SLC24A4: variants seen among roughly 807,000 people sequenced by gnomAD.
SLC24A4 encodes the protein sodium/potassium/calcium exchanger 4.
SLC24A4 carries 53 observed loss-of-function variants against 79.0 expected under a neutral mutation model. The observed-to-expected ratio is 0.67, with a 90% CI of 0.54 to 0.84. The LOEUF is 0.84. SLC24A4 is among the 40% of genes least tolerant of loss of function. The pLI, the probability that SLC24A4 is intolerant of heterozygous loss-of-function variation, is 0.00. For synonymous variants in SLC24A4, 323 were observed against 323.8 expected (o/e 1.00, Z 0.03); for missense variants, 731 against 822.0 (o/e 0.89, Z 1.35).
intron 2 of SLC24A4, among the ~76,000 whole-genome samples, chr14:92,425,699 C>T (rs1172325903): frequency 6.6e-6 from 1 of 152,160 alleles, no homozygotes; most frequent in Non-Finnish European, 1.5e-5. Context: ...GGGGTTACAC[C>T]TATATGCAGT....
At chr14:92,464,323 C>T (rs1255323800) in intron 12 of SLC24A4, among the ~76,000 whole-genome samples, 1 of 152,132 alleles carries the variant, frequency 6.6e-6, no homozygotes, top group Non-Finnish European at 1.5e-5. Context: ...CAGAACCAGG[C>T]ATCCAGGCCA....
chr14:92,334,695 C>T (rs1354666871), intron 2 of SLC24A4, among the ~76,000 whole-genome samples: 1 of 152,122 alleles, frequency 6.6e-6, no homozygotes, highest in African/African-American at 2.4e-5. Flanking sequence ...AGTCCCAGCT[C>T]ACCCCTTACT....
intron 2 of SLC24A4, among the ~76,000 whole-genome samples, chr14:92,385,700 A>G (rs958327389): frequency 6.6e-6 from 1 of 151,848 alleles, no homozygotes; most frequent in Non-Finnish European, 1.5e-5. Context: ...ATTTGGATGC[A>G]CTCTGGGGCT....
chr14:92,418,415 A>G (rs1036298749), intron 2 of SLC24A4, among the ~76,000 whole-genome samples: 9 of 152,172 alleles, frequency 5.9e-5, no homozygotes, highest in South Asian at 2.1e-4. Flanking sequence ...AGTCCAGTGC[A>G]CTGGTCAGGG....
chr14:92,400,078 C>G (rs1453783459), intron 2 of SLC24A4, among the ~76,000 whole-genome samples: 1 of 151,648 alleles, frequency 6.6e-6, no homozygotes, highest in Non-Finnish European at 1.5e-5. Flanking sequence ...AAATAAAGTA[C>G]CAGTATGTTA....
At position 92,467,178 on chromosome 14, in the gene SLC24A4, T is replaced by C. The variant is rs565416248; in HGVS notation, c.1255+10570T>C. ...GTAGTTCATTAACCTTCATGGGACT[T>C]GGTTTTCCTCTTTATAAAATGGAGT... is the stretch of plus-strand genomic sequence containing the variant. On this transcript the variant is annotated intron_variant, in intron 12 of 16. Coordinates refer to ENST00000532405, the MANE Select transcript of SLC24A4 (RefSeq NM_153646.4). Among the ~76,000 whole-genome samples the C allele has an allele frequency of 3.3e-5, 5 of 152,370 alleles. No homozygotes were observed. The South Asian group carries it at 1.0e-3, about 32-fold the overall frequency.
intron 2 of SLC24A4, among the ~76,000 whole-genome samples, chr14:92,389,224 A>G (rs567187496): frequency 2.6e-5 from 4 of 152,026 alleles, no homozygotes; most frequent in African/African-American, 7.2e-5. Flanking sequence ...TCTCCACCCC[A>G]CTCTTGGAAG....
At chr14:92,454,182 C>G in intron 11 of SLC24A4, 113 bp downstream of exon 11, 3 of 1,134,838 alleles carry the variant, frequency 2.6e-6, no homozygotes, top group Non-Finnish European at 3.7e-6. Flanking sequence ...GGAAGGATGC[C>G]CTGGGGCCTC....
rs1437023442 is a variant in SLC24A4 at position 92,360,496 on chromosome 14, T to C, written c.241+34518T>C. Among the ~76,000 whole-genome samples, 5 of 152,372 alleles carry C rather than the reference T, an allele frequency of 3.3e-5. No homozygotes were observed. The South Asian group carries it at 1.0e-3, about 32-fold the overall frequency. On this transcript the variant is annotated intron_variant, in intron 2 of 16. Transcript: ENST00000532405. ...GTGATTATTTCATACAGTGGGATACTGTACTATTTATCCATTTGCAGTTAG... is the reference window on the plus strand; with the variant it reads ...GTGATTATTTCATACAGTGGGATACCGTACTATTTATCCATTTGCAGTTAG...
chr14:92,446,177 T>A (rs80279668), intron 8 of SLC24A4, among the ~76,000 whole-genome samples: 113,825 of 149,124 alleles, frequency 0.76, 43,179 homozygotes, highest in East Asian at 0.97. Context: ...GCATTCTATG[T>A]TTTTTTTTTT....
At chr14:92,474,863 A>ATATATATATATATATATATATATT (rs36185636) in intron 12 of SLC24A4, among the ~76,000 whole-genome samples, 15 of 57,124 alleles carry the variant, frequency 2.6e-4, no homozygotes, top group South Asian at 5.7e-4. Flanking sequence ...ATATATATAT[A>ATATATATATATATATATATATATT]TTTTTTTTTT....
chr14:92,365,832 A>G (rs894330744), intron 2 of SLC24A4, among the ~76,000 whole-genome samples: 1 of 152,218 alleles, frequency 6.6e-6, no homozygotes, highest in African/African-American at 2.4e-5. Flanking sequence ...AGAGTAATGT[A>G]GTTGCCCAAG....
intron 2 of SLC24A4, among the ~76,000 whole-genome samples, chr14:92,350,999 G>C (rs1219311736): frequency 8.5e-6 from 1 of 117,468 alleles, no homozygotes; most frequent in Non-Finnish European, 2.0e-5. Flanking sequence ...CAACCTGGAA[G>C]AGAGGGTCCT....
chr14:92,328,626 C>G (rs1885288193), intron 2 of SLC24A4, among the ~76,000 whole-genome samples: 1 of 152,262 alleles, frequency 6.6e-6, no homozygotes, highest in Non-Finnish European at 1.5e-5. Context: ...GCTCACTTAT[C>G]TTCTAGCACG....
chr14:92,351,236 G>GCGCGCGCACACACACACACA (rs112120101), intron 2 of SLC24A4, among the ~76,000 whole-genome samples: 2,926 of 147,012 alleles, frequency 0.02, 40 homozygotes, highest in Non-Finnish European at 0.031. Context: ...ACACATACAC[G>GCGCGCGCACACACACACACA]CACACACACA....
At chr14:92,395,877 G>A (rs1206897649) in intron 2 of SLC24A4, among the ~76,000 whole-genome samples, 1 of 152,172 alleles carries the variant, frequency 6.6e-6, no homozygotes, top group African/African-American at 2.4e-5. Flanking sequence ...CCAGGCTGGA[G>A]TGCAGTGGCA....
intron 2 of SLC24A4, among the ~76,000 whole-genome samples, chr14:92,327,192 A>G (rs973680130): frequency 1.3e-5 from 2 of 152,122 alleles, no homozygotes; most frequent in African/African-American, 4.8e-5. Flanking sequence ...AAGTTTTCAT[A>G]CTGTTTTTAT....
chr14:92,420,336 C>T (rs183167568), intron 2 of SLC24A4, among the ~76,000 whole-genome samples: 9 of 152,204 alleles, frequency 5.9e-5, no homozygotes, highest in African/African-American at 1.9e-4. Context: ...AAAAATTAGC[C>T]GGGCACAGTG....
chr14:92,396,352 G>T (rs1305951867), intron 2 of SLC24A4, among the ~76,000 whole-genome samples: 3 of 152,270 alleles, frequency 2.0e-5, no homozygotes, highest in East Asian at 3.9e-4. Flanking sequence ...CCTTCAATTT[G>T]CTGTGGAGTG....
Sources: gnomAD v4.1 joint callset for allele counts (sites outside exome capture counted in the v4.1 genomes callset) on GRCh38, gnomAD v4.1.1 for gene constraint, MANE v1.5 for transcripts, NCBI Gene and HGNC (gene_info 2026-07-23, HGNC 2026-07-21) for gene names.